The following TMEM39A variants were observed in gnomAD, a reference collection of about 807,000 sequenced individuals.
The protein encoded by TMEM39A is transmembrane protein 39A, also known as suppressor of SQST-1 aggregates in rpl-43 mutants.
Under a neutral mutation model 51.9 loss-of-function variants are expected in TMEM39A, and 19 were observed. The observed-to-expected ratio is 0.37, with a 90% CI of 0.26 to 0.54. TMEM39A has a LOEUF of 0.54. Ranked by LOEUF, TMEM39A falls within the 20% of genes least tolerant of loss-of-function variation. TMEM39A has a pLI of 0.88. For synonymous variants in TMEM39A, 197 were observed against 220.2 expected (o/e 0.89, Z 0.93); for missense variants, 433 against 590.5 (o/e 0.73, Z 2.76).
At chr3:119,454,616 C>G (rs2081241607) in intron 3 of TMEM39A, among the ~76,000 whole-genome samples, 1 of 152,078 alleles carries the variant, frequency 6.6e-6, no homozygotes, top group African/African-American at 2.4e-5. Flanking sequence ...GTGGTGAAAC[C>G]CTGTCTCTAC....
chr3:119,457,866 T>C, intron 3 of TMEM39A, 152 bp downstream of exon 3: 2 of 546,194 alleles, frequency 3.7e-6, no homozygotes, highest in Non-Finnish European at 6.4e-6. Flanking sequence ...CATCTTATCA[T>C]GAAATTTTAT....
At chr3:119,432,704 G>A (rs1279248851) in intron 8 of TMEM39A, among the ~76,000 whole-genome samples, 1 of 152,014 alleles carries the variant, frequency 6.6e-6, no homozygotes, top group African/African-American at 2.4e-5. Flanking sequence ...ACCAACACTA[G>A]ACAAGTTTGG....
At chr3:119,454,839 A>G (rs941234244) in intron 3 of TMEM39A, among the ~76,000 whole-genome samples, 1 of 152,194 alleles carries the variant, frequency 6.6e-6, no homozygotes, top group African/African-American at 2.4e-5. Flanking sequence ...TGTTAAGCAA[A>G]TCATGTTATA....
intron 3 of TMEM39A, among the ~76,000 whole-genome samples, chr3:119,457,550 G>T (rs1270267836): frequency 6.6e-6 from 1 of 152,142 alleles, no homozygotes; most frequent in African/African-American, 2.4e-5. Context: ...CAGCCACCTT[G>T]GAGGTCACAT....
At chr3:119,461,548 C>G (rs1483405077) in intron 2 of TMEM39A, among the ~76,000 whole-genome samples, 1 of 152,198 alleles carries the variant, frequency 6.6e-6, no homozygotes, top group African/African-American at 2.4e-5. Context: ...AGCTAAAAAA[C>G]AGCTAACATT....
chr3:119,457,509 C>T (rs2081281856), intron 3 of TMEM39A, among the ~76,000 whole-genome samples: 1 of 152,188 alleles, frequency 6.6e-6, no homozygotes, highest in African/African-American at 2.4e-5. Context: ...GCCCTAAGCT[C>T]TTTCCCCTTC....
At chr3:119,440,014 C>T (rs952576981) in intron 5 of TMEM39A, among the ~76,000 whole-genome samples, 5 of 152,254 alleles carry the variant, frequency 3.3e-5, no homozygotes, top group Non-Finnish European at 5.9e-5. Flanking sequence ...GTGATCCTAC[C>T]GCCTGGGCCT....
chr3:119,450,202 T>C (rs1274301934), intron 4 of TMEM39A, among the ~76,000 whole-genome samples: 1 of 152,244 alleles, frequency 6.6e-6, no homozygotes, highest in East Asian at 1.9e-4. Flanking sequence ...TCCCACCTGC[T>C]GATCCTGTCT....
At position 119,445,922 on chromosome 3, in the gene TMEM39A, G is replaced by A. The variant is rs114631464; in HGVS notation, c.575+1096C>T. Among the ~76,000 whole-genome samples, 1,156 of 152,252 alleles carry A rather than the reference G, an allele frequency of 7.6e-3. 20 individuals carry two copies. Among genetic ancestry groups the A allele is most frequent in the South Asian group, 0.072 (346 of 4,826 alleles). Reference sequence around the variant, plus strand: ...ATACATGTCTACAGCACTTGAATATGGCATAGAGTAGACCCTCTTACCTGC... The same window carrying A: ...ATACATGTCTACAGCACTTGAATATAGCATAGAGTAGACCCTCTTACCTGC... On this transcript the variant is annotated intron_variant, in intron 5 of 8. Transcript: ENST00000319172.
intron 5 of TMEM39A, among the ~76,000 whole-genome samples, chr3:119,446,064 T>C (rs1476862244): frequency 6.6e-6 from 1 of 152,188 alleles, no homozygotes; most frequent in Non-Finnish European, 1.5e-5. Context: ...TTTTAACTTA[T>C]AAATTAGGTA....
intron 2 of TMEM39A, among the ~76,000 whole-genome samples, chr3:119,458,800 C>A (rs1464443008): frequency 6.6e-6 from 1 of 152,138 alleles, no homozygotes; most frequent in East Asian, 1.9e-4. Flanking sequence ...GAGGCTGAGG[C>A]AGGAGAATCG....
intron 4 of TMEM39A, among the ~76,000 whole-genome samples, chr3:119,447,910 C>T (rs1319224808): frequency 1.3e-5 from 2 of 152,058 alleles, no homozygotes; most frequent in Non-Finnish European, 2.9e-5. Context: ...CCACTGTGCC[C>T]GGCCTGATTT....
Position 119,432,181 on chromosome 3 carries a change from G to C in TMEM39A, c.1267C>G (p.Leu423Val). 1 of 1,612,400 alleles carries C rather than the reference G, an allele frequency of 6.2e-7. No homozygotes were observed. Among genetic ancestry groups the C allele is most frequent in the East Asian group, 2.2e-5 (1 of 44,830 alleles). ...LFHRPLRLLN[L>V]LILIEGSVVF... ...ACACTGCCCTCAATAAGGATGAGCA[G>C]ATTTAACAGCCTTAATGGTCGATGA... Residue 423 changes from leucine (L) to valine (V), a missense_variant, in exon 9 of 9, where the codon CTG becomes GTG. By Grantham distance (32) the Leu-to-Val change is conservative (BLOSUM62 1). Transcript: ENST00000319172.
chr3:119,446,950 G>A, intron 5 of TMEM39A, 68 bp downstream of exon 5: 1 of 1,496,902 alleles, frequency 6.7e-7, no homozygotes. Context: ...ACTCTTAAAA[G>A]TATCGTTTAC....
At chr3:119,441,973 A>G (rs1489187675) in intron 5 of TMEM39A, among the ~76,000 whole-genome samples, 1 of 152,262 alleles carries the variant, frequency 6.6e-6, no homozygotes, top group Non-Finnish European at 1.5e-5. Context: ...GGATGACAGT[A>G]CATCTGTTTA....
Position 119,430,744 on chromosome 3 carries a change from C to T in TMEM39A, c.*1237G>A, listed in dbSNP as rs2080887693. On this transcript the variant is annotated 3_prime_UTR_variant, in exon 9 of 9. Coordinates refer to ENST00000319172, the MANE Select transcript of TMEM39A (RefSeq NM_018266.3). ...TTGGTGAAGCCTTTCAGGAACTCTT[C>T]TGCAAGAATTATTTTCAGAGCCAGC... The T allele has an allele frequency of 6.6e-6, 1 of 152,140 alleles. No individual in the cohort carries two copies. The highest frequency in any genetic ancestry group is 1.5e-5 in the Non-Finnish European group (1 of 67,998). 9.4% of individuals were successfully genotyped at this position (152,140 alleles called of 1,614,324 possible). A position where few individuals can be genotyped will look rare whatever the true frequency, so the allele number is the denominator to read the frequency against.
intron 7 of TMEM39A, chr3:119,435,990 A>G: frequency 8.1e-7 from 1 of 1,231,898 alleles, no homozygotes; most frequent in Non-Finnish European, 1.1e-6. Context: ...GGGGAGAGGG[A>G]AAGGGAAGGT....
intron 3 of TMEM39A, among the ~76,000 whole-genome samples, chr3:119,455,484 A>G (rs994092845): frequency 1.3e-5 from 2 of 152,206 alleles, no homozygotes; most frequent in African/African-American, 4.8e-5. Flanking sequence ...TAAAAATGAC[A>G]TTTCCAAACT....
rs2081290642 is a variant in TMEM39A at position 119,458,168 on chromosome 3, G to A, written c.186C>T (p.Cys62=). 1 of 1,614,188 alleles carries A rather than the reference G, an allele frequency of 6.2e-7. No individual in the cohort carries two copies. Among genetic ancestry groups the A allele is most frequent in the South Asian group, 1.1e-5 (1 of 91,078 alleles). The part of the protein sequence containing the change: ...ALITPGPVRH[C]QIPDLPVDGS... ...CATCCACAGGCAAGTCAGGAATTTG[G>A]CAATGACGAACAGGACCTGGGGTGA... Residue 62 remains cysteine, a synonymous_variant, in exon 3 of 9, where the codon TGC becomes TGT. Transcript: ENST00000319172.
Sources: allele counts gnomAD v4.1 joint callset (sites outside exome capture counted in the v4.1 genomes callset), GRCh38; gene constraint gnomAD v4.1.1; transcripts MANE v1.5; gene names NCBI Gene and HGNC (gene_info 2026-07-23, HGNC 2026-07-21).